Variants in CDH12 observed in about 807,000 individuals in gnomAD.
CDH12 encodes cadherin 12.
A neutral mutation model predicts 74.1 loss-of-function variants in CDH12; 41 were observed. The observed-to-expected ratio is 0.55, with a 90% CI of 0.43 to 0.72. The LOEUF (loss-of-function observed/expected upper bound fraction) is 0.72, where lower values mean the gene tolerates loss of function less well. CDH12 is among the 30% of genes least tolerant of loss of function. The pLI is 0.00. For missense variants in CDH12, 945 were observed against 977.2 expected (o/e 0.97, Z 0.44); for synonymous variants, 399 against 355.0 (o/e 1.12, Z -1.39).
At chr5:22,098,490 A>G (rs956414461) in intron 4 of CDH12, among the ~76,000 whole-genome samples, 3 of 152,182 alleles carry the variant, frequency 2.0e-5, no homozygotes, top group South Asian at 2.1e-4. Context: ...TGCGTGCAGC[A>G]GCTGCCGCTG....
intron 6 of CDH12, among the ~76,000 whole-genome samples, chr5:21,926,451 A>G (rs749284327): frequency 3.3e-5 from 5 of 152,162 alleles, no homozygotes; most frequent in Non-Finnish European, 4.4e-5. Context: ...TCTTTCCTCT[A>G]TATATCTATC....
chr5:22,651,879 A>C (rs886632860), intron 1 of CDH12, among the ~76,000 whole-genome samples: 2 of 152,070 alleles, frequency 1.3e-5, no homozygotes, highest in African/African-American at 4.8e-5. Flanking sequence ...TAAAGGAGCA[A>C]ATCTTTTCAA....
intron 1 of CDH12, among the ~76,000 whole-genome samples, chr5:22,651,845 T>C (rs1739759333): frequency 6.6e-6 from 1 of 152,108 alleles, no homozygotes; most frequent in Admixed American, 6.6e-5. Flanking sequence ...TATCTTAATA[T>C]ATCTGTTTTT....
chr5:21,765,232 C>G, intron 11 of CDH12, 133 bp from the exon 12 acceptor site: 1 of 652,768 alleles, frequency 1.5e-6, no homozygotes, highest in Non-Finnish European at 2.4e-6. Context: ...ATAGGAAATC[C>G]TGGGGGTTCC....
intron 3 of CDH12, among the ~76,000 whole-genome samples, chr5:22,280,227 T>G (rs182440391): frequency 2.6e-5 from 4 of 152,208 alleles, no homozygotes; most frequent in Non-Finnish European, 4.4e-5. Context: ...TGGGGTTGTT[T>G]GTTTTTTCCT....
chr5:21,872,904 T>TCTATCTATCTATCTATCTAC (rs1751717208), intron 6 of CDH12, among the ~76,000 whole-genome samples: 1 of 151,766 alleles, frequency 6.6e-6, no homozygotes, highest in South Asian at 2.1e-4. Flanking sequence ...CATCTATCTA[T>TCTATCTATCTATCTATCTAC]CTATCTATCT....
intron 1 of CDH12, among the ~76,000 whole-genome samples, chr5:22,549,017 G>A (rs1363276639): frequency 1.3e-5 from 2 of 152,034 alleles, no homozygotes; most frequent in African/African-American, 4.8e-5. Context: ...ATAGCTCACT[G>A]CAGTCTTGAC....
chr5:22,236,708 T>C (rs1388215824), intron 3 of CDH12, among the ~76,000 whole-genome samples: 1 of 152,126 alleles, frequency 6.6e-6, no homozygotes, highest in Non-Finnish European at 1.5e-5. Context: ...ATGGTGCCAC[T>C]GCACGCCACT....
rs1342259300 is a variant in CDH12 at position 22,838,655 on chromosome 5, G to GTC, written c.-523+14402_-523+14403insGA. On this transcript the variant is annotated intron_variant, in intron 1 of 14. Transcript: ENST00000382254. ...AAAATGGGTGTGTGAGAGTGTCTGT[G>GTC]TGTGTGTGTGTGTGTGTGTGTGTGT... Among the ~76,000 whole-genome samples the GTC allele has an allele frequency of 3.0e-3, 385 of 128,542 alleles. 2 individuals are homozygous for GTC. The highest frequency in any genetic ancestry group is 0.01 in the African/African-American group (370 of 36,850). 84.3% of individuals were successfully genotyped at this position (128,542 alleles called of 152,430 possible).
In CDH12 at chr5:22,257,262, C is replaced by T. The variant is rs148543973; in HGVS notation, c.-332-44619G>A. Among the ~76,000 whole-genome samples the T allele has an allele frequency of 7.9e-3, 1,195 of 152,108 alleles. 15 individuals are homozygous for T. Among genetic ancestry groups the T allele is most frequent in the African/African-American group, 0.027 (1,123 of 41,510 alleles). ...CTGGGTGACAACATAATCTGCACAA[C>T]AAACTCCATGAAAAAAGTTCACCTA... On this transcript the variant is annotated intron_variant, in intron 3 of 14. Coordinates refer to ENST00000382254, the MANE Select transcript of CDH12 (RefSeq NM_004061.5).
intron 3 of CDH12, among the ~76,000 whole-genome samples, chr5:22,329,006 G>T (rs985980588): frequency 1.3e-5 from 2 of 151,944 alleles, no homozygotes; most frequent in Non-Finnish European, 2.9e-5. Flanking sequence ...ATCCTAGAAA[G>T]GCAAAATAAA....
chr5:22,840,501 A>G (rs987922494), intron 1 of CDH12, among the ~76,000 whole-genome samples: 2 of 150,140 alleles, frequency 1.3e-5, no homozygotes, highest in Admixed American at 6.7e-5. Context: ...AGTGATTTAT[A>G]TATATTATAT....
At chr5:21,839,296 G>T (rs952838434) in intron 8 of CDH12, among the ~76,000 whole-genome samples, 2 of 152,018 alleles carry the variant, frequency 1.3e-5, no homozygotes, top group Non-Finnish European at 2.9e-5. Flanking sequence ...AAGACTCTCT[G>T]TGTTATTAAT....
At chr5:22,457,123 T>A (rs1363234250) in intron 2 of CDH12, among the ~76,000 whole-genome samples, 1 of 152,188 alleles carries the variant, frequency 6.6e-6, no homozygotes, top group Non-Finnish European at 1.5e-5. Context: ...CAGATAAAGC[T>A]GAGCCATTTT....
chr5:22,268,654 C>T lies in CDH12; in HGVS notation c.-332-56011G>A, dbSNP rs113520396. Among the ~76,000 whole-genome samples, 6 of 152,108 alleles carry T rather than the reference C, an allele frequency of 3.9e-5. 1 individual carries two copies. Among genetic ancestry groups the T allele is most frequent in the African/African-American group, 1.2e-4 (5 of 41,514 alleles). ...CTAACATAGTTTGATGATTCAAACC[C>T]TACACTGTGTATTCCTTTTATTTTT... On this transcript the variant is annotated intron_variant, in intron 3 of 14. Transcript: ENST00000382254.
At chr5:22,324,449 T>C (rs1020337522) in intron 3 of CDH12, among the ~76,000 whole-genome samples, 9 of 152,136 alleles carry the variant, frequency 5.9e-5, no homozygotes, top group African/African-American at 2.2e-4. Flanking sequence ...TTAAGTTAGA[T>C]TGCAACATAT....
chr5:22,205,696 A>T (rs1029373564), intron 4 of CDH12, among the ~76,000 whole-genome samples: 5 of 152,106 alleles, frequency 3.3e-5, no homozygotes, highest in Admixed American at 1.3e-4. Flanking sequence ...TCTTAAGGCT[A>T]CATTGCTAGA....
intron 3 of CDH12, among the ~76,000 whole-genome samples, chr5:22,327,203 G>C (rs555837443): frequency 3.0e-4 from 46 of 152,110 alleles, no homozygotes; most frequent in African/African-American, 9.4e-4. Flanking sequence ...CACACTCGAG[G>C]ACTCCTGGGA....
Position 22,750,157 on chromosome 5 carries a change from A to G in CDH12, c.-523+102901T>C, listed in dbSNP as rs186840519. Among the ~76,000 whole-genome samples the G allele has an allele frequency of 5.8e-3, 876 of 152,332 alleles. 6 individuals are homozygous for G. The highest frequency in any genetic ancestry group is 0.017 in the Middle Eastern group (5 of 294). On this transcript the variant is annotated intron_variant, in intron 1 of 14. Transcript: ENST00000382254. ...GTTGAGGAAGTAAAATGGAAGAGGC[A>G]TGGATTTTTTTCTTTCCCTGGAGAG...
Sources: gnomAD v4.1 joint callset for allele counts (sites outside exome capture counted in the v4.1 genomes callset) on GRCh38, gnomAD v4.1.1 for gene constraint, MANE v1.5 for transcripts, NCBI Gene and HGNC (gene_info 2026-07-23, HGNC 2026-07-21) for gene names.